The following CPEB1 variants were observed in gnomAD, a reference collection of about 807,000 sequenced individuals.
CPEB1 encodes the protein cytoplasmic polyadenylation element binding protein 1, also known as cytoplasmic polyadenylation element-binding protein 1.
CPEB1 carries 7 observed loss-of-function variants against 65.8 expected under a neutral mutation model. That is an observed-to-expected ratio of 0.11 (90% CI 0.06 to 0.20). CPEB1 has a LOEUF of 0.20. Among genes scored for constraint, CPEB1 ranks in the 10% least tolerant of loss-of-function variants. CPEB1 has a pLI of 1.00. For missense variants in CPEB1, 551 were observed against 712.2 expected (o/e 0.77, Z 2.58); for synonymous variants, 262 against 260.0 (o/e 1.01, Z -0.08).
chr15:82,579,889 G>A (rs1419354349), intron 3 of CPEB1, among the ~76,000 whole-genome samples: 6 of 116,118 alleles, frequency 5.2e-5, no homozygotes, highest in South Asian at 3.0e-4. Flanking sequence ...TCTGCAGTCC[G>A]GCCTGGGCGA....
At chr15:82,628,222 T>G (rs949546132) in intron 2 of CPEB1, 142 bp downstream of exon 2, 1 of 702,790 alleles carries the variant, frequency 1.4e-6, no homozygotes. Flanking sequence ...AAAAACTGTT[T>G]CCAGATGTTG....
intron 3 of CPEB1, among the ~76,000 whole-genome samples, chr15:82,598,409 G>A (rs563462134): frequency 1.4e-4 from 21 of 151,970 alleles, no homozygotes; most frequent in African/African-American, 4.8e-4. Flanking sequence ...CAGGAGAATC[G>A]CTTGAACGTG....
intron 3 of CPEB1, among the ~76,000 whole-genome samples, chr15:82,611,325 C>T (rs985316544): frequency 7.9e-5 from 12 of 152,038 alleles, no homozygotes; most frequent in Non-Finnish European, 1.5e-4. Context: ...AACAGTTTGA[C>T]TTACAATAGC....
intron 1 of CPEB1, among the ~76,000 whole-genome samples, chr15:82,646,670 G>C (rs1028708616): frequency 6.6e-6 from 1 of 152,128 alleles, no homozygotes; most frequent in Non-Finnish European, 1.5e-5. Flanking sequence ...CTCGGTCACG[G>C]GGTCAACGCG....
At chr15:82,548,931 T>G (rs2035767434) in intron 10 of CPEB1, among the ~76,000 whole-genome samples, 1 of 152,232 alleles carries the variant, frequency 6.6e-6, no homozygotes, top group South Asian at 2.1e-4. Context: ...ATTGACCTCC[T>G]TTCTCAGAGG....
chr15:82,609,871 A>G (rs1023171132), intron 3 of CPEB1, among the ~76,000 whole-genome samples: 1 of 151,934 alleles, frequency 6.6e-6, no homozygotes, highest in Non-Finnish European at 1.5e-5. Flanking sequence ...GATCAGCCCA[A>G]TCAACATAGA....
intron 3 of CPEB1, among the ~76,000 whole-genome samples, chr15:82,601,007 C>G (rs1223369647): frequency 6.9e-6 from 1 of 145,692 alleles, no homozygotes; most frequent in Non-Finnish European, 1.5e-5. Flanking sequence ...CGAGTTCAAG[C>G]AATTCTCCAC....
At chr15:82,606,139 G>C (rs2043563419) in intron 3 of CPEB1, among the ~76,000 whole-genome samples, 8 of 152,092 alleles carry the variant, frequency 5.3e-5, no homozygotes, top group Admixed American at 5.2e-4. Context: ...AATAAAATTG[G>C]TTATTATTTG....
At chr15:82,592,982 G>C (rs1004749714) in intron 3 of CPEB1, among the ~76,000 whole-genome samples, 2 of 152,164 alleles carry the variant, frequency 1.3e-5, no homozygotes, top group Non-Finnish European at 1.5e-5. Flanking sequence ...GGACAACAGA[G>C]CGATACTCCG....
intron 3 of CPEB1, among the ~76,000 whole-genome samples, chr15:82,584,793 C>G (rs1210745214): frequency 7.2e-6 from 1 of 138,614 alleles, no homozygotes; most frequent in Non-Finnish European, 1.5e-5. Flanking sequence ...ATAGTGTGTT[C>G]AAAATATTTA....
At chr15:82,594,678 C>T (rs2567636) in intron 3 of CPEB1, among the ~76,000 whole-genome samples, 60,555 of 152,100 alleles carry the variant, frequency 0.4, 12,124 homozygotes, top group South Asian at 0.49. Context: ...GAACAAGAGG[C>T]CTAACTTTCG....
chr15:82,635,968 T>C (rs1043246031), intron 1 of CPEB1, among the ~76,000 whole-genome samples: 6 of 152,140 alleles, frequency 3.9e-5, no homozygotes, highest in African/African-American at 1.4e-4. Context: ...ATAAACGAGA[T>C]AAAGCTACAG....
At chr15:82,597,851 T>A (rs963609369) in intron 3 of CPEB1, among the ~76,000 whole-genome samples, 1 of 152,168 alleles carries the variant, frequency 6.6e-6, no homozygotes, top group African/African-American at 2.4e-5. Context: ...ACAGATGGAT[T>A]CAAAGTGGAA....
chr15:82,632,906 C>A (rs372483085), intron 1 of CPEB1, among the ~76,000 whole-genome samples: 83 of 152,266 alleles, frequency 5.5e-4, no homozygotes, highest in African/African-American at 2.0e-3. Context: ...ACTATCCACC[C>A]CATACTCACA....
chr15:82,639,058 C>A (rs2046892713), intron 1 of CPEB1, among the ~76,000 whole-genome samples: 1 of 152,168 alleles, frequency 6.6e-6, no homozygotes, highest in Non-Finnish European at 1.5e-5. Flanking sequence ...GACTTTATAG[C>A]CTCTTAAAGG....
intron 3 of CPEB1, chr15:82,572,846 C>T: frequency 1.8e-6 from 1 of 562,744 alleles, no homozygotes; most frequent in Non-Finnish European, 3.0e-6. Context: ...CTCACAGCTC[C>T]AGCAACAAAG....
intron 4 of CPEB1, among the ~76,000 whole-genome samples, chr15:82,568,997 G>T (rs1347734713): frequency 6.6e-6 from 1 of 152,184 alleles, no homozygotes; most frequent in Non-Finnish European, 1.5e-5. Flanking sequence ...CTTGCATCTT[G>T]GTCTCTACAC....
At chr15:82,579,914 G>C (rs1289675571) in intron 3 of CPEB1, among the ~76,000 whole-genome samples, 1 of 58,868 alleles carries the variant, frequency 1.7e-5, no homozygotes, top group African/African-American at 6.1e-5. Flanking sequence ...GTGAGACTCC[G>C]TCTCAAAAAA....
intron 3 of CPEB1, among the ~76,000 whole-genome samples, chr15:82,621,118 C>G (rs1263959865): frequency 1.3e-5 from 2 of 152,128 alleles, no homozygotes; most frequent in African/African-American, 4.8e-5. Context: ...ATGTATTAAA[C>G]TTTGTTTTGG....
Sources: gnomAD v4.1 joint callset for allele counts (sites outside exome capture counted in the v4.1 genomes callset) on GRCh38, gnomAD v4.1.1 for gene constraint, MANE v1.5 for transcripts, NCBI Gene and HGNC (gene_info 2026-07-23, HGNC 2026-07-21) for gene names.